The following MACF1 variants were observed in gnomAD, a reference collection of about 807,000 sequenced individuals.
MACF1 encodes microtubule actin crosslinking factor 1.
In MACF1, 193 loss-of-function variants were observed where a neutral mutation model predicts 854.8. The observed-to-expected ratio is 0.23, with a 90% CI of 0.20 to 0.25. The LOEUF is 0.25. Ranked by LOEUF, MACF1 falls within the 10% of genes least tolerant of loss-of-function variation. The pLI, the probability that MACF1 is intolerant of heterozygous loss-of-function variation, is 1.00. For missense variants in MACF1, 7,722 were observed against 8,929.1 expected (o/e 0.86, Z 5.45); for synonymous variants, 3,185 against 3,226.7 (o/e 0.99, Z 0.44).
At position 39,105,434 on chromosome 1, in the gene MACF1, C is replaced by T. The variant is rs866478759; in HGVS notation, c.220+20996C>T. The T allele has an allele frequency of 1.5e-4, 146 of 992,506 alleles. No homozygotes were observed. In the African/African-American group the frequency reaches 2.3e-3, roughly 16 times the overall value. 61.5% of individuals were successfully genotyped at this position (992,506 alleles called of 1,614,324 possible). A position where few individuals can be genotyped will look rare whatever the true frequency, so the allele number is the denominator to read the frequency against. The stretch of plus-strand genomic sequence containing the variant: ...CGGGACCGGCGGAGCGCGAGCGGGC[C>T]GGGTGCGAGCGGACTGAGGAGCGGA... On this transcript the variant is annotated intron_variant, in intron 2 of 93. Coordinates refer to the MACF1 transcript ENST00000361689. This position sits in a 1 kb window ranked among gnomAD's most constrained non-coding sequence, Gnocchi z 5.9.
intron 20 of MACF1, among the ~76,000 whole-genome samples, chr1:39,296,747 A>AAGG (rs1557571161): frequency 2.4e-4 from 9 of 37,996 alleles, no homozygotes; most frequent in Admixed American, 1.0e-3. Flanking sequence ...AGAAAGAAAG[A>AAGG]AAGAAAGGAA....
chr1:39,334,627 C>T lies in MACF1; in HGVS notation c.8039C>T (p.Thr2680Met), dbSNP rs74066749. ...CTTGGAAAAGTAGACTTTGCATCTA[C>T]GCTGAAGGTTCTAGAAGCCCAGGCA... ...IQLGKVDFAS[T>M]LKVLEAQANT... Residue 2680 changes from threonine to methionine, a missense_variant, in exon 37 of 101, where the codon ACG (threonine) becomes ATG (methionine). By Grantham distance (81) the Thr-to-Met change is moderately conservative (BLOSUM62 -1). Coordinates refer to ENST00000564288, the MANE Select transcript of MACF1 (RefSeq NM_001394062.1). 9,539 of 1,613,966 alleles carry T rather than the reference C, an allele frequency of 5.9e-3. 436 individuals carry two copies. The African/African-American group carries it at 0.1, about 18-fold the overall frequency.
At chr1:39,275,512 CCA>C (rs1394166372) in intron 6 of MACF1, among the ~76,000 whole-genome samples, 1 of 152,090 alleles carries the variant, frequency 6.6e-6, no homozygotes, top group Non-Finnish European at 1.5e-5. Context: ...TGCAAGCACA[CCA>C]CCATGCCTAG....
At position 39,423,374 on chromosome 1, in the gene MACF1, G is replaced by A. The variant is rs368189032; in HGVS notation, c.16149+474G>A. 1.5e-4 allele frequency among the ~76,000 whole-genome samples: 23 copies of A among 152,164 alleles called. No individual in the cohort carries two copies. The East Asian group carries it at 1.9e-3, about 13-fold the overall frequency. On this transcript the variant is annotated intron_variant, in intron 60 of 100. Transcript: ENST00000564288. The stretch of plus-strand genomic sequence containing the variant: ...TGTTTGGCTGGGTGTGGTGGTTCAC[G>A]CCTGTAATCCCAGCACTTTGGGAGG...
intron 2 of MACF1, among the ~76,000 whole-genome samples, chr1:39,152,031 A>G (rs887112474): frequency 3.3e-5 from 5 of 151,874 alleles, no homozygotes; most frequent in South Asian, 2.1e-4. Flanking sequence ...CTGGAGTGCA[A>G]TGGCGCAATC....
intron 2 of MACF1, among the ~76,000 whole-genome samples, chr1:39,096,740 C>G (rs933271911): frequency 2.0e-5 from 3 of 152,098 alleles, no homozygotes; most frequent in Non-Finnish European, 4.4e-5. Flanking sequence ...CTTTACTTCC[C>G]TCACTTTTTA....
intron 1 of MACF1, among the ~76,000 whole-genome samples, chr1:39,228,772 G>T (rs2148300435): frequency 6.6e-6 from 1 of 152,250 alleles, no homozygotes; most frequent in East Asian, 1.9e-4. Context: ...TCCTGCCTCA[G>T]CCTCCCGAGT....
chr1:39,336,718 A>C (rs187493273), intron 37 of MACF1, 65 bp downstream of exon 37: 107 of 1,430,246 alleles, frequency 7.5e-5, no homozygotes, highest in Non-Finnish European at 9.6e-5. Context: ...AAAATTCTTA[A>C]CTGGGTACAG....
chr1:39,435,969 T>C (rs554985963), intron 70 of MACF1: 1 of 562,524 alleles, frequency 1.8e-6, no homozygotes, highest in African/African-American at 1.9e-5. Flanking sequence ...AAATGAGTCT[T>C]GGCTGGTATA....
intron 2 of MACF1, among the ~76,000 whole-genome samples, chr1:39,088,207 C>T (rs958781262): frequency 2.0e-5 from 3 of 152,004 alleles, no homozygotes; most frequent in Admixed American, 6.6e-5. Flanking sequence ...CTCCTGACCT[C>T]GTGATCCGCC....
intron 70 of MACF1, chr1:39,436,610 A>G: frequency 1.1e-6 from 1 of 933,100 alleles, no homozygotes; most frequent in Non-Finnish European, 1.7e-6. Flanking sequence ...GCAGTTTATT[A>G]TGCCAGTTTC....
intron 6 of MACF1, among the ~76,000 whole-genome samples, chr1:39,275,912 GCTT>G (rs57589734): frequency 1.4e-5 from 2 of 146,306 alleles, no homozygotes; most frequent in Non-Finnish European, 3.0e-5. Flanking sequence ...GCCTTCATCT[GCTT>G]CTTCTTCTTC....
intron 2 of MACF1, among the ~76,000 whole-genome samples, chr1:39,091,860 A>G (rs1641816681): frequency 6.6e-6 from 1 of 152,112 alleles, no homozygotes; most frequent in South Asian, 2.1e-4. Context: ...TCATAGATTC[A>G]TGAATGTGCT....
Position 39,430,813 on chromosome 1 carries a change from C to T in MACF1, c.17242C>T (p.Leu5748Phe), listed in dbSNP as rs754948930. 164 of 1,612,550 alleles carry T rather than the reference C, an allele frequency of 1.0e-4. 2 individuals carry two copies. In the South Asian group the frequency reaches 1.6e-3, roughly 16 times the overall value. The change falls in exon 66 of 101, where the codon CTT becomes TTT. Residue 5748 changes from leucine to phenylalanine, a missense_variant. This residue lies in a region of MACF1 where 2,807 missense variants were observed against 3,235.8 expected (regional missense o/e 0.87). Transcript: ENST00000564288. ...PWRAREGLDK[L>F]VSDANEQYKL... ...GAGAGCCAGAGAAGGGCTGGATAAA[C>T]TTGTGTCCGATGCTAACGAGCAGTA...
At chr1:39,179,044 A>T (rs888707915) in intron 2 of MACF1, among the ~76,000 whole-genome samples, 2 of 152,166 alleles carry the variant, frequency 1.3e-5, no homozygotes, top group Non-Finnish European at 2.9e-5. Context: ...TGATATTTTA[A>T]CTTCTGTTTA....
intron 85 of MACF1, 75 bp from the exon 86 acceptor site, chr1:39,452,081 A>T: frequency 7.8e-7 from 1 of 1,287,474 alleles, no homozygotes; most frequent in Non-Finnish European, 1.1e-6. Flanking sequence ...CTACCAAGAA[A>T]ATTATTATTT....
intron 6 of MACF1, among the ~76,000 whole-genome samples, chr1:39,265,375 C>CCT: frequency 6.6e-6 from 1 of 151,890 alleles, no homozygotes; most frequent in East Asian, 1.9e-4. Flanking sequence ...AATGTATAGG[C>CCT]CTCAAAGTGT....
intron 41 of MACF1, among the ~76,000 whole-genome samples, chr1:39,348,877 T>C (rs1299133764): frequency 6.6e-6 from 1 of 152,230 alleles, no homozygotes; most frequent in African/African-American, 2.4e-5. Context: ...ACTGAGCCAG[T>C]TGCTATTCTT....
At chr1:39,095,561 C>CAAA (rs34021324) in intron 2 of MACF1, among the ~76,000 whole-genome samples, 19 of 55,836 alleles carry the variant, frequency 3.4e-4, no homozygotes, top group African/African-American at 7.2e-4. Context: ...GACTCTGTCT[C>CAAA]AAAAAAAAAA....
Sources: allele counts gnomAD v4.1 joint callset (sites outside exome capture counted in the v4.1 genomes callset), GRCh38; gene constraint gnomAD v4.1.1; regional missense constraint gnomAD v4.1.1; non-coding constraint Gnocchi (gnomAD v3.1); transcripts MANE v1.5; gene names NCBI Gene and HGNC (gene_info 2026-07-23, HGNC 2026-07-21).